RNF5: variants seen among roughly 807,000 people sequenced by gnomAD.
RNF5 encodes the protein E3 ubiquitin-protein ligase RNF5.
A neutral mutation model predicts 24.4 loss-of-function variants in RNF5; 16 were observed. The observed-to-expected ratio is 0.66, with a 90% CI of 0.44 to 1.00. The LOEUF is 1.00. RNF5 is among the 50% of genes least tolerant of loss of function. The pLI is 0.00. For missense variants in RNF5, 185 were observed against 236.7 expected (o/e 0.78, Z 1.43); for synonymous variants, 64 against 88.5 (o/e 0.72, Z 1.55).
chr6:32,179,808 C>A lies in RNF5; in HGVS notation c.272+45C>A. On this transcript the variant is annotated intron_variant, in intron 3 of 5. Transcript: ENST00000375094. This position sits in a 1 kb window ranked among gnomAD's most constrained non-coding sequence, Gnocchi z 5.4. ...GCTTAGGGAAGATTGAAGGCTTCTGCCCTTGGAAAACGGTGTGGAAGATGG... is the reference window on the plus strand; with the variant it reads ...GCTTAGGGAAGATTGAAGGCTTCTGACCTTGGAAAACGGTGTGGAAGATGG... The A allele has an allele frequency of 6.2e-7, 1 of 1,612,990 alleles. No homozygotes were observed. Among genetic ancestry groups the A allele is most frequent in the Non-Finnish European group, 8.5e-7 (1 of 1,179,052 alleles).
In RNF5 at chr6:32,178,475, G is replaced by A. The variant is rs1432163672; in HGVS notation, c.-37G>A. ...TGGGGCGTGTGTATGTGTATTTGGG[G>A]GGACTGAAGGGTACGTGGGGCGAAA... On this transcript the variant is annotated 5_prime_UTR_variant, in exon 1 of 6. Transcript: ENST00000375094. The A allele has an allele frequency of 1.4e-5, 21 of 1,530,264 alleles. No homozygotes were observed. Among genetic ancestry groups the A allele is most frequent in the Non-Finnish European group, 1.8e-5 (21 of 1,140,102 alleles). The allele number at this position is 1,530,264 out of a possible 1,614,324, so 94.8% of individuals were successfully genotyped here.
In RNF5 at chr6:32,179,529, TCC is replaced by T; in HGVS notation, c.141-8_141-7del. The T allele has an allele frequency of 6.2e-7, 1 of 1,611,382 alleles. No homozygotes were observed. Among genetic ancestry groups the T allele is most frequent in the Non-Finnish European group, 8.5e-7 (1 of 1,178,652 alleles). ...CTAGTTTGACCTTTTTTTTTTTTTC[TCC>T]CCCATCCAGTTGGCCATGTCTTCAT... On this transcript the variant is annotated splice_polypyrimidine_tract_variant and intron_variant, in intron 1 of 5. Transcript: ENST00000375094. The surrounding 1 kb of genome is among the most constrained non-coding windows in gnomAD (Gnocchi z 5.4).
intron 1 of RNF5, among the ~76,000 whole-genome samples, chr6:32,178,896 G>A (rs1391657444): frequency 6.6e-6 from 1 of 152,118 alleles, no homozygotes; most frequent in Non-Finnish European, 1.5e-5. Context: ...AAGGTGGGGC[G>A]GGGAGTGGCA....
intron 1 of RNF5, among the ~76,000 whole-genome samples, 198 bp downstream of exon 1, chr6:32,178,849 G>A (rs1256012027): frequency 6.6e-6 from 1 of 152,172 alleles, no homozygotes; most frequent in Non-Finnish European, 1.5e-5. Context: ...AAGGTCTTAG[G>A]AACCAGGAGC....
chr6:32,178,554 A>G lies in RNF5; in HGVS notation c.43A>G (p.Asn15Asp), dbSNP rs762720554. ...GGAGGACGGGGGCCCCGAAGGGCCA[A>G]ATCGCGAGCGGGGCGGGGCGGGCGC... ...EEEDGGPEGP[N>D]RERGGAGATF... Residue 15 changes from asparagine (N) to aspartate (D), a missense_variant, in exon 1 of 6, where the codon AAT (asparagine) becomes GAT (aspartate). By Grantham distance (23) the Asn-to-Asp change is conservative. Coordinates refer to ENST00000375094, the MANE Select transcript of RNF5 (RefSeq NM_006913.4). The G allele has an allele frequency of 1.2e-6, 2 of 1,610,054 alleles. No homozygotes were observed. The highest frequency in any genetic ancestry group is 2.7e-5 in the African/African-American group (2 of 74,874).
Position 32,179,635 on chromosome 6 carries a change from C to A in RNF5, c.160-16C>A, listed in dbSNP as rs148878374. Reference sequence around the variant, plus strand: ...AGACCCTCTTGTATACTGGAAACCACCTTTTTTCTCCCCAGTGGCTGGAGA... The same window carrying A: ...AGACCCTCTTGTATACTGGAAACCAACTTTTTTCTCCCCAGTGGCTGGAGA... On this transcript the variant is annotated splice_polypyrimidine_tract_variant and intron_variant, in intron 2 of 5. Transcript: ENST00000375094. The surrounding 1 kb of genome is among the most constrained non-coding windows in gnomAD (Gnocchi z 5.4). 53 of 1,611,412 alleles carry A rather than the reference C, an allele frequency of 3.3e-5. No homozygotes were observed. The African/African-American group carries it at 6.5e-4, about 20-fold the overall frequency.
At chr6:32,178,986 A>G (rs146416475) in intron 1 of RNF5, among the ~76,000 whole-genome samples, 1 of 152,270 alleles carries the variant, frequency 6.6e-6, no homozygotes, top group African/African-American at 2.4e-5. Context: ...GTGAGACACA[A>G]AGGTTAAGGG....
rs1785894607 is a variant in RNF5 at position 32,179,526 on chromosome 6, T to G, written c.141-15T>G. 6.2e-7 allele frequency: 1 copy of G among 1,613,730 alleles called. No individual in the cohort carries two copies. The highest frequency in any genetic ancestry group is 2.2e-5 in the East Asian group (1 of 44,882). On this transcript the variant is annotated splice_polypyrimidine_tract_variant and intron_variant, in intron 1 of 5. Transcript: ENST00000375094. The surrounding 1 kb of genome is among the most constrained non-coding windows in gnomAD (Gnocchi z 5.4). ...TAGCTAGTTTGACCTTTTTTTTTTT[T>G]TCTCCCCCATCCAGTTGGCCATGTC...
Position 32,178,650 on chromosome 6 carries a change from T to C in RNF5, c.139T>C (p.Cys47Arg). The change falls in exon 1 of 6, where the codon TGT becomes CGT. Residue 47 changes from cysteine to arginine, a missense_variant and splice_region_variant. Transcript: ENST00000375094. ...GGTCAGTGTGTGTGGCCACCTGTAC[T>C]GGTGAGAATCGAGGAGGGGGGCGGG... The part of the protein sequence containing the change: ...AVVSVCGHLY[C>R]WPCLHQWLET... 6.2e-7 allele frequency: 1 copy of C among 1,606,062 alleles called. No individual in the cohort carries two copies. Among genetic ancestry groups the C allele is most frequent in the Non-Finnish European group, 8.5e-7 (1 of 1,177,438 alleles).
chr6:32,178,672 C>T (rs374932399), intron 1 of RNF5, 21 bp downstream of exon 1: 2 of 1,593,706 alleles, frequency 1.3e-6, no homozygotes, highest in Non-Finnish European at 1.7e-6. Context: ...AGGAGGGGGG[C>T]GGGAGGTGGT....
Position 32,179,615 on chromosome 6 carries a change from C to G in RNF5, c.160-36C>G. The G allele has an allele frequency of 1.2e-6, 2 of 1,613,738 alleles. No individual in the cohort carries two copies. Among genetic ancestry groups the G allele is most frequent in the Non-Finnish European group, 1.7e-6 (2 of 1,179,772 alleles). On this transcript the variant is annotated intron_variant, in intron 2 of 5. Coordinates refer to ENST00000375094, the MANE Select transcript of RNF5 (RefSeq NM_006913.4). The surrounding 1 kb of genome is among the most constrained non-coding windows in gnomAD (Gnocchi z 5.4). Reference sequence around the variant, plus strand: ...GGGAGGTCTGAGGAGCTGTAAGACCCTCTTGTATACTGGAAACCACCTTTT... The same window carrying G: ...GGGAGGTCTGAGGAGCTGTAAGACCGTCTTGTATACTGGAAACCACCTTTT...
chr6:32,178,770 C>T, intron 1 of RNF5, 119 bp downstream of exon 1: 2 of 991,244 alleles, frequency 2.0e-6, no homozygotes, highest in Non-Finnish European at 3.0e-6. Flanking sequence ...TAGGTGAAGC[C>T]CGACAGGAGA....
Position 32,178,762 on chromosome 6 carries a change from G to A in RNF5, c.140+111G>A, listed in dbSNP as rs938047405. ...GATAATCGGAGGGCACGTTCCCATA[G>A]GTGAAGCCCGACAGGAGACATAAGA... is the stretch of plus-strand genomic sequence containing the variant. On this transcript the variant is annotated intron_variant, in intron 1 of 5. Transcript: ENST00000375094. 15 of 1,085,408 alleles carry A rather than the reference G, an allele frequency of 1.4e-5. No individual in the cohort carries two copies. In the African/African-American group the frequency reaches 2.1e-4, roughly 15 times the overall value. 67.2% of individuals were successfully genotyped at this position (1,085,408 alleles called of 1,614,324 possible).
At position 32,180,447 on chromosome 6, in the gene RNF5, T is replaced by C; in HGVS notation, c.*121T>C. On this transcript the variant is annotated 3_prime_UTR_variant, in exon 6 of 6. Coordinates refer to ENST00000375094, the MANE Select transcript of RNF5 (RefSeq NM_006913.4). ...TATTTCTGTTGGCTAAGGCCAGCCC[T>C]GGACATTGTCCAGGAAGGCCTGGGG... 1.1e-6 allele frequency: 1 copy of C among 893,100 alleles called. No individual in the cohort carries two copies. Among genetic ancestry groups the C allele is most frequent in the Non-Finnish European group, 1.8e-6 (1 of 556,340 alleles). The allele number at this position is 893,100 out of a possible 1,614,324, so 55.3% of individuals were successfully genotyped here. A position where few individuals can be genotyped will look rare whatever the true frequency, so the allele number is the denominator to read the frequency against.
At position 32,179,983 on chromosome 6, in the gene RNF5, C is replaced by G. The variant is rs1260351750; in HGVS notation, c.328-26C>G. 7 of 1,614,052 alleles carry G rather than the reference C, an allele frequency of 4.3e-6. No homozygotes were observed. On this transcript the variant is annotated intron_variant, in intron 4 of 5. Transcript: ENST00000375094. The surrounding 1 kb of genome is among the most constrained non-coding windows in gnomAD (Gnocchi z 5.4). ...CTTCCTTGACAGATTTGCCGGCTTC[C>G]TGTCTGACTTTTTCTGCCTCCCTAG... is the stretch of plus-strand genomic sequence containing the variant.
Position 32,180,234 on chromosome 6 carries a change from G to T in RNF5, c.451G>T (p.Asp151Tyr). ...AGCTTTCCTCTCTCCCACAGGTGTGGATCTGGGACAGGGTCACCCAGCCTC... is the reference window on the plus strand; with the variant it reads ...AGCTTTCCTCTCTCCCACAGGTGTGTATCTGGGACAGGGTCACCCAGCCTC... ...HEPFRRGTGV[D>Y]LGQGHPASSW... The change falls in exon 6 of 6, where the codon GAT becomes TAT. Residue 151 changes from aspartate (D) to tyrosine (Y), a missense_variant. Physicochemically the swap from Asp to Tyr is radical, Grantham distance 160. Coordinates refer to ENST00000375094, the MANE Select transcript of RNF5 (RefSeq NM_006913.4). 1 of 1,612,692 alleles carries T rather than the reference G, an allele frequency of 6.2e-7. No individual in the cohort carries two copies. The highest frequency in any genetic ancestry group is 8.5e-7 in the Non-Finnish European group (1 of 1,179,930).
chr6:32,179,572 GA>G lies in RNF5; in HGVS notation c.159+14del. 2 of 1,613,912 alleles carry G rather than the reference GA, an allele frequency of 1.2e-6. No homozygotes were observed. Among genetic ancestry groups the G allele is most frequent in the Non-Finnish European group, 1.7e-6 (2 of 1,179,958 alleles). ...ATGTCTTCATCAGGTGCGTACTCAG[GA>G]GATGAAGAGGGAAATGGGGAGGTCT... On this transcript the variant is annotated intron_variant, in intron 2 of 5. Coordinates refer to ENST00000375094, the MANE Select transcript of RNF5 (RefSeq NM_006913.4). The surrounding 1 kb of genome is among the most constrained non-coding windows in gnomAD (Gnocchi z 5.4).
In RNF5 at chr6:32,178,419, G is replaced by T; in HGVS notation, c.-93G>T. The T allele has an allele frequency of 9.3e-7, 1 of 1,073,636 alleles. No homozygotes were observed. The highest frequency in any genetic ancestry group is 1.3e-6 in the Non-Finnish European group (1 of 762,686). 66.5% of individuals were successfully genotyped at this position (1,073,636 alleles called of 1,614,324 possible). On this transcript the variant is annotated 5_prime_UTR_variant, in exon 1 of 6. Coordinates refer to ENST00000375094, the MANE Select transcript of RNF5 (RefSeq NM_006913.4). ...TAGGAAACCTTGAAGCCTGCCCAAC[G>T]ATCGTGGGCAGGAGGTGGTTTCTGG...
In RNF5 at chr6:32,180,671, C is replaced by T. The variant is rs984654185; in HGVS notation, c.*345C>T. On this transcript the variant is annotated 3_prime_UTR_variant, in exon 6 of 6. Transcript: ENST00000375094. The stretch of plus-strand genomic sequence containing the variant: ...GTTCCCTCTGACTCTTCCCCCACTC[C>T]CCATCTTACTGATTTAATTTAATTT... 7.7e-6 allele frequency: 3 copies of T among 389,794 alleles called. No homozygotes were observed. Among genetic ancestry groups the T allele is most frequent in the East Asian group, 4.3e-5 (1 of 23,040 alleles). The allele number at this position is 389,794 out of a possible 1,614,324, so 24.1% of individuals were successfully genotyped here. A position where few individuals can be genotyped will look rare whatever the true frequency, so the allele number is the denominator to read the frequency against.
Sources: gnomAD v4.1 joint callset for allele counts (sites outside exome capture counted in the v4.1 genomes callset) on GRCh38, gnomAD v4.1.1 for gene constraint, Gnocchi (gnomAD v3.1) non-coding constraint, MANE v1.5 for transcripts, NCBI Gene and HGNC (gene_info 2026-07-23, HGNC 2026-07-21) for gene names.